Variants in TBC1D22A observed in about 807,000 individuals in gnomAD.
TBC1D22A encodes putative GTPase activator.
In TBC1D22A, 38 loss-of-function variants were observed where a neutral mutation model predicts 60.2. That is an observed-to-expected ratio of 0.63 (90% CI 0.49 to 0.83). The LOEUF (loss-of-function observed/expected upper bound fraction) is 0.83, where lower values mean the gene tolerates loss of function less well. TBC1D22A is among the 40% of genes least tolerant of loss of function. The probability of loss-of-function intolerance (pLI) is 0.00; values close to 1 mark genes in which losing one functional copy is unlikely to be tolerated. For synonymous variants in TBC1D22A, 302 were observed against 281.7 expected, an observed-to-expected ratio of 1.07 and a Z score of -0.72; for missense variants, 628 against 701.0, an observed-to-expected ratio of 0.90 and a Z score of 1.18.
At chr22:47,147,374 T>G (rs1464556232) in intron 12 of TBC1D22A, among the ~76,000 whole-genome samples, 1 of 151,632 alleles carries the variant, frequency 6.6e-6, no homozygotes, top group African/African-American at 2.4e-5. Context: ...AACAGATGTG[T>G]AAGGCTCAAG....
intron 12 of TBC1D22A, among the ~76,000 whole-genome samples, chr22:47,123,579 C>T (rs2066350024): frequency 6.6e-6 from 1 of 152,224 alleles, no homozygotes. Context: ...TGGCAGTGGG[C>T]CATGTCTCTG....
chr22:46,892,987 A>G (rs1469789809), intron 6 of TBC1D22A, among the ~76,000 whole-genome samples: 1 of 152,194 alleles, frequency 6.6e-6, no homozygotes, highest in Non-Finnish European at 1.5e-5. Flanking sequence ...TCGCCATTTC[A>G]GGCAGAGCTG....
At chr22:46,765,042 T>C (rs2083237710) in intron 1 of TBC1D22A, among the ~76,000 whole-genome samples, 1 of 152,250 alleles carries the variant, frequency 6.6e-6, no homozygotes, top group African/African-American at 2.4e-5. Context: ...CCAGCTTTCC[T>C]TTTCCTCTGA....
intron 1 of TBC1D22A, chr22:46,774,144 G>C (rs2083602038): frequency 3.0e-6 from 3 of 985,504 alleles, no homozygotes; most frequent in South Asian, 4.7e-5. Flanking sequence ...TGCCCTTGGA[G>C]CCCTGCTGAG....
At chr22:47,105,316 G>A (rs1375858996) in intron 11 of TBC1D22A, among the ~76,000 whole-genome samples, 2 of 152,002 alleles carry the variant, frequency 1.3e-5, no homozygotes, top group Admixed American at 6.5e-5. Context: ...TCCTGTTTTT[G>A]GTATGAATAC....
chr22:47,064,332 A>T (rs537966887), intron 11 of TBC1D22A, among the ~76,000 whole-genome samples: 1 of 152,374 alleles, frequency 6.6e-6, no homozygotes, highest in African/African-American at 2.4e-5. Flanking sequence ...GTTTGTCCAC[A>T]GGAGGCCACT....
intron 10 of TBC1D22A, among the ~76,000 whole-genome samples, chr22:47,026,909 A>G (rs1488271194): frequency 1.3e-5 from 2 of 152,234 alleles, no homozygotes; most frequent in East Asian, 1.9e-4. Flanking sequence ...ATGGAAATAC[A>G]AACTCCCTAG....
chr22:47,150,454 T>C (rs1336992651), intron 12 of TBC1D22A, among the ~76,000 whole-genome samples: 1 of 151,912 alleles, frequency 6.6e-6, no homozygotes, highest in Non-Finnish European at 1.5e-5. Flanking sequence ...GCTCCAGGAG[T>C]GTCCCAGTTC....
rs191873254 is a variant in TBC1D22A, at chr22:46,832,533, C to G, written c.637+34913C>G. ...TGGTGGCGGGCACCTGTAATCCCAG[C>G]TACTCAGGAGGCTGAGGCAGGAGAA... On this transcript the variant is annotated intron_variant, in intron 4 of 12. Transcript: ENST00000337137. 4.5e-4 allele frequency among the ~76,000 whole-genome samples: 68 copies of G among 152,160 alleles called. No individual in the cohort carries two copies. In the Middle Eastern group the frequency reaches 0.014, roughly 30 times the overall value.
intron 4 of TBC1D22A, among the ~76,000 whole-genome samples, chr22:46,819,344 A>G (rs1468417000): frequency 6.6e-6 from 1 of 152,190 alleles, no homozygotes; most frequent in Non-Finnish European, 1.5e-5. Context: ...GCTTTTGCCC[A>G]TTCAATATGA....
intron 10 of TBC1D22A, among the ~76,000 whole-genome samples, chr22:47,016,340 C>A (rs1339342075): frequency 3.3e-5 from 5 of 152,152 alleles, no homozygotes; most frequent in African/African-American, 1.2e-4. Flanking sequence ...GCTTGGTCTT[C>A]ATCCCCCACC....
chr22:46,919,962 C>G (rs1441663389), intron 8 of TBC1D22A, among the ~76,000 whole-genome samples: 2 of 152,102 alleles, frequency 1.3e-5, no homozygotes, highest in Non-Finnish European at 2.9e-5. Flanking sequence ...TAAGAGGGAA[C>G]CTTTATGGCA....
In TBC1D22A at chr22:47,037,171, T is replaced by G; in HGVS notation, c.1302T>G (p.Cys434Trp). Residue 434 changes from cysteine to tryptophan, a missense_variant, in exon 11 of 13, where the codon TGT becomes TGG. Cys to Trp is a radical substitution (Grantham distance 215). Coordinates refer to ENST00000337137, the MANE Select transcript of TBC1D22A (RefSeq NM_014346.5). ...NLLMREVPLR[C>W]TIRLWDTYQS... is the part of the protein sequence containing the mutation. ...TGATGAGGGAGGTGCCCCTGCGTTGTACCATCCGCCTGTGGGACACCTACC... is the reference window on the plus strand; with the variant it reads ...TGATGAGGGAGGTGCCCCTGCGTTGGACCATCCGCCTGTGGGACACCTACC... The G allele has an allele frequency of 6.2e-7, 1 of 1,613,810 alleles. No individual in the cohort carries two copies. Among genetic ancestry groups the G allele is most frequent in the Non-Finnish European group, 8.5e-7 (1 of 1,179,864 alleles).
At chr22:47,045,545 A>C (rs2063003844) in intron 11 of TBC1D22A, among the ~76,000 whole-genome samples, 1 of 152,230 alleles carries the variant, frequency 6.6e-6, no homozygotes. Flanking sequence ...GACATTTCTT[A>C]AGGAGAGATT....
intron 11 of TBC1D22A, among the ~76,000 whole-genome samples, chr22:47,057,480 C>T (rs556588918): frequency 6.6e-6 from 1 of 152,284 alleles, no homozygotes; most frequent in Non-Finnish European, 1.5e-5. Context: ...CTTCACTAAG[C>T]CAAGTGGAAA....
At chr22:46,855,003 T>A (rs755076800) in intron 4 of TBC1D22A, among the ~76,000 whole-genome samples, 75 of 152,226 alleles carry the variant, frequency 4.9e-4, no homozygotes, top group Admixed American at 2.6e-3. Context: ...TAATAGTTAA[T>A]AATAAGTAAC....
At chr22:46,817,835 C>T (rs1451582000) in intron 4 of TBC1D22A, among the ~76,000 whole-genome samples, 5 of 152,126 alleles carry the variant, frequency 3.3e-5, no homozygotes, top group South Asian at 2.1e-4. Flanking sequence ...ATCGCCATAC[C>T]GTCTTCCACA....
At chr22:47,163,929 C>T in intron 12 of TBC1D22A, among the ~76,000 whole-genome samples, 1 of 152,238 alleles carries the variant, frequency 6.6e-6, no homozygotes, top group South Asian at 2.1e-4. Flanking sequence ...CATCATTAGG[C>T]TGTGAGCAGC....
chr22:47,118,422 C>G (rs1275050603), intron 12 of TBC1D22A, among the ~76,000 whole-genome samples: 2 of 152,144 alleles, frequency 1.3e-5, no homozygotes, highest in African/African-American at 4.8e-5. Context: ...TAATGTGGGT[C>G]ACAGTGGAAA....
Sources: gnomAD v4.1 joint callset for allele counts (sites outside exome capture counted in the v4.1 genomes callset) on GRCh38, gnomAD v4.1.1 for gene constraint, MANE v1.5 for transcripts, NCBI Gene and HGNC (gene_info 2026-07-23, HGNC 2026-07-21) for gene names.